The following ARMH3 variants were observed in gnomAD, a reference collection of about 807,000 sequenced individuals.
ARMH3 encodes armadillo like helical domain containing 3.
In ARMH3, 60 loss-of-function variants were observed where a neutral mutation model predicts 99.1. The ratio of observed to expected loss-of-function variants is 0.61; its 90% CI spans 0.49 to 0.75. The LOEUF is 0.75. Among genes scored for constraint, ARMH3 ranks in the 30% least tolerant of loss-of-function variants. The probability of loss-of-function intolerance (pLI) is 0.00; values close to 1 mark genes in which losing one functional copy is unlikely to be tolerated. For synonymous variants in ARMH3, 285 were observed against 292.8 expected (o/e 0.97, Z 0.27); for missense variants, 679 against 843.1 (o/e 0.81, Z 2.41).
At chr10:101,992,113 C>T in intron 17 of ARMH3, 75 bp from the exon 18 acceptor site, 1 of 1,219,984 alleles carries the variant, frequency 8.2e-7, no homozygotes. Context: ...CATCATGTTC[C>T]TTGTGCAAAT....
chr10:101,961,305 T>C (rs1338246766), intron 20 of ARMH3, among the ~76,000 whole-genome samples: 2 of 150,704 alleles, frequency 1.3e-5, no homozygotes, highest in African/African-American at 4.9e-5. Flanking sequence ...GGCTGCTTGC[T>C]CTCTCTTTTT....
intron 20 of ARMH3, among the ~76,000 whole-genome samples, chr10:101,959,960 C>A (rs1023379546): frequency 6.6e-6 from 1 of 152,096 alleles, no homozygotes. Flanking sequence ...GGCAGATTGC[C>A]TGAGTTCAGG....
At chr10:101,919,387 T>C (rs1336380657) in intron 23 of ARMH3, among the ~76,000 whole-genome samples, 4 of 152,132 alleles carry the variant, frequency 2.6e-5, no homozygotes, top group African/African-American at 9.7e-5. Flanking sequence ...TATCTCCTTC[T>C]TCCCAGCTCC....
At chr10:101,935,919 G>A (rs1564769115) in intron 23 of ARMH3, among the ~76,000 whole-genome samples, 1 of 152,208 alleles carries the variant, frequency 6.6e-6, no homozygotes, top group Non-Finnish European at 1.5e-5. Context: ...CCACAGGTCA[G>A]ATTTTCTGAC....
intron 24 of ARMH3, among the ~76,000 whole-genome samples, chr10:101,877,064 C>T (rs2067285835): frequency 6.6e-6 from 1 of 151,978 alleles, no homozygotes; most frequent in South Asian, 2.1e-4. Flanking sequence ...TAAAAGTTAG[C>T]AGGGTGTGGT....
At chr10:101,860,082 C>A (rs1030245018) in intron 24 of ARMH3, among the ~76,000 whole-genome samples, 1 of 151,792 alleles carries the variant, frequency 6.6e-6, no homozygotes, top group Admixed American at 6.6e-5. Flanking sequence ...GGAAAAAAAA[C>A]GGGGAAAGGG....
At chr10:101,967,116 A>G (rs1845575175) in intron 20 of ARMH3, among the ~76,000 whole-genome samples, 1 of 152,196 alleles carries the variant, frequency 6.6e-6, no homozygotes, top group Non-Finnish European at 1.5e-5. Flanking sequence ...CCTGGCATGG[A>G]GCTAGGTTTA....
intron 2 of ARMH3, among the ~76,000 whole-genome samples, chr10:102,035,357 T>A (rs983121608): frequency 3.9e-5 from 6 of 151,930 alleles, no homozygotes; most frequent in Admixed American, 6.6e-5. Context: ...AGAGCGAGAC[T>A]CAGTCTCAAA....
intron 14 of ARMH3, among the ~76,000 whole-genome samples, chr10:102,002,497 T>A (rs2066383917): frequency 6.6e-6 from 1 of 151,906 alleles, no homozygotes; most frequent in Non-Finnish European, 1.5e-5. Flanking sequence ...TGAAGATTCC[T>A]CCCTAACAAG....
At chr10:101,954,934 C>T (rs996781971) in intron 22 of ARMH3, among the ~76,000 whole-genome samples, 7 of 152,092 alleles carry the variant, frequency 4.6e-5, no homozygotes, top group African/African-American at 1.7e-4. Flanking sequence ...CCCAGTTGAG[C>T]AGGTATGTCA....
rs575717163 is a variant in ARMH3, at chr10:101,896,196, A to T, written c.1782-6706T>A. On this transcript the variant is annotated intron_variant, in intron 23 of 25. Coordinates refer to ENST00000370033, the MANE Select transcript of ARMH3 (RefSeq NM_024541.3). ...CAGTGAGCTAAGGTGGAGCCACTGC[A>T]CTCCAGCCTAGGTGAGAGCACAGAC... Among the ~76,000 whole-genome samples, 13 of 152,298 alleles carry T rather than the reference A, an allele frequency of 8.5e-5. No homozygotes were observed. The South Asian group carries it at 2.7e-3, about 32-fold the overall frequency.
intron 25 of ARMH3, among the ~76,000 whole-genome samples, chr10:101,849,188 G>T (rs1028677199): frequency 2.6e-5 from 4 of 152,194 alleles, no homozygotes; most frequent in African/African-American, 9.7e-5. Flanking sequence ...CAGGACTGCA[G>T]GGGGGCTGAG....
Position 101,845,993 on chromosome 10 carries a change from A to T in ARMH3, c.*1535T>A, listed in dbSNP as rs909505603. On this transcript the variant is annotated 3_prime_UTR_variant, in exon 26 of 26. Coordinates refer to ENST00000370033, the MANE Select transcript of ARMH3 (RefSeq NM_024541.3). ...TCCTGAGGGCTTTAGAAAGTGCTTT[A>T]AAAAGGGAGGATCTCGAAGCAGCAG... The T allele has an allele frequency of 6.6e-6, 1 of 152,246 alleles. No homozygotes were observed. The allele number at this position is 152,246 out of a possible 1,614,324, so 9.4% of individuals were successfully genotyped here.
chr10:101,876,685 C>A (rs1483332111), intron 24 of ARMH3, among the ~76,000 whole-genome samples: 1 of 152,142 alleles, frequency 6.6e-6, no homozygotes, highest in South Asian at 2.1e-4. Context: ...ACTGTAATGA[C>A]AAACCATGTT....
intron 22 of ARMH3, among the ~76,000 whole-genome samples, chr10:101,947,796 A>AAAAT (rs56657656): frequency 0.28 from 40,121 of 145,194 alleles, 6,814 homozygotes; most frequent in East Asian, 0.55. Flanking sequence ...GCGAAACTCA[A>AAAAT]AAATAAATAA....
rs1332207474 is a variant in ARMH3 at position 102,009,599 on chromosome 10, T to C, written c.879-150A>G. 8.2e-6 allele frequency: 6 copies of C among 734,148 alleles called. No individual in the cohort carries two copies. In the East Asian group the frequency reaches 1.5e-4, roughly 19 times the overall value. 45.5% of individuals were successfully genotyped at this position (734,148 alleles called of 1,614,324 possible). On this transcript the variant is annotated intron_variant, in intron 12 of 25. Transcript: ENST00000370033. ...TTCCCCTTTACTTGCCATTTGGGCG[T>C]ATGCAAAAGTGTATAGGCAGGAGTC... is the stretch of plus-strand genomic sequence containing the variant.
intron 24 of ARMH3, among the ~76,000 whole-genome samples, chr10:101,876,207 C>T (rs2067259988): frequency 6.9e-6 from 1 of 144,936 alleles, no homozygotes; most frequent in Non-Finnish European, 1.5e-5. Context: ...TGAGATAGCG[C>T]CACTGCACTC....
At chr10:101,889,565 G>A (rs2067637553) in intron 23 of ARMH3, 75 bp from the exon 24 acceptor site, 4 of 1,346,846 alleles carry the variant, frequency 3.0e-6, no homozygotes, top group Admixed American at 1.7e-5. Flanking sequence ...TAAGGATCAA[G>A]TACCCTCTGG....
intron 23 of ARMH3, among the ~76,000 whole-genome samples, chr10:101,909,809 C>G (rs1223766327): frequency 6.6e-6 from 1 of 152,014 alleles, no homozygotes; most frequent in Non-Finnish European, 1.5e-5. Context: ...TGTATCAAAG[C>G]ATCTCACGTA....
Sources: gnomAD v4.1 joint callset for allele counts (sites outside exome capture counted in the v4.1 genomes callset) on GRCh38, gnomAD v4.1.1 for gene constraint, MANE v1.5 for transcripts, NCBI Gene and HGNC (gene_info 2026-07-23, HGNC 2026-07-21) for gene names.